Variants in CUEDC1 observed in about 807,000 individuals in gnomAD.
The protein encoded by CUEDC1 is CUE domain containing 1.
A neutral mutation model predicts 43.7 loss-of-function variants in CUEDC1; 30 were observed. The observed-to-expected ratio is 0.69, with a 90% confidence interval of 0.51 to 0.93. The LOEUF is 0.93. Ranked by LOEUF, CUEDC1 falls within the 40% of genes least tolerant of loss-of-function variation. The pLI is 0.00. For synonymous variants in CUEDC1, 223 were observed against 223.6 expected, an observed-to-expected ratio of 1.00 and a Z score of 0.02; for missense variants, 486 against 549.0, an observed-to-expected ratio of 0.89 and a Z score of 1.15.
chr17:57,950,284 G>C (rs1039026220), intron 1 of CUEDC1, among the ~76,000 whole-genome samples: 1 of 151,732 alleles, frequency 6.6e-6, no homozygotes, highest in Non-Finnish European at 1.5e-5. Context: ...CCAAGTAGCT[G>C]GGACTACAGG....
intron 10 of CUEDC1, among the ~76,000 whole-genome samples, chr17:57,865,525 G>A (rs552032908): frequency 2.0e-5 from 3 of 152,370 alleles, no homozygotes; most frequent in East Asian, 1.9e-4. Flanking sequence ...CAAACAAGTG[G>A]CTGGGGAAGG....
At chr17:57,879,945 G>C (rs1002638573) in intron 2 of CUEDC1, among the ~76,000 whole-genome samples, 2 of 152,104 alleles carry the variant, frequency 1.3e-5, no homozygotes, top group Non-Finnish European at 2.9e-5. Flanking sequence ...CTCCAGTTCT[G>C]GCAACTCCAC....
chr17:57,953,851 A>G (rs1366673705), intron 1 of CUEDC1, among the ~76,000 whole-genome samples: 1 of 152,184 alleles, frequency 6.6e-6, no homozygotes, highest in Non-Finnish European at 1.5e-5. Flanking sequence ...CCAGCTGCAG[A>G]AAGTGGACAG....
chr17:57,918,687 T>C (rs1025099079), intron 1 of CUEDC1, among the ~76,000 whole-genome samples: 14 of 152,252 alleles, frequency 9.2e-5, no homozygotes, highest in Non-Finnish European at 2.1e-4. Flanking sequence ...AGATCCAGCC[T>C]GGCCAATTAG....
Position 57,867,447 on chromosome 17 carries a change from G to T in CUEDC1, c.1035-32C>A, listed in dbSNP as rs1421571291. Reference sequence around the variant, plus strand: ...GGCCATTCAGGAAAACCGTCCCAGGGATGAGGGGACACTGCCCTAGTCCTC... The same window carrying T: ...GGCCATTCAGGAAAACCGTCCCAGGTATGAGGGGACACTGCCCTAGTCCTC... On this transcript the variant is annotated intron_variant, in intron 8 of 10. Transcript: ENST00000577830. 1.9e-6 allele frequency: 3 copies of T among 1,544,544 alleles called. No individual in the cohort carries two copies. The African/African-American group carries it at 4.1e-5, about 21-fold the overall frequency.
rs949571475 is a variant in CUEDC1, at chr17:57,883,677, C to T, written c.336+1552G>A. ...GGTGGAGGTTGCAGTGAACCAAGATCGCGCCATTGCACTCCAGCCTGGGCG... is the reference window on the plus strand; with the variant it reads ...GGTGGAGGTTGCAGTGAACCAAGATTGCGCCATTGCACTCCAGCCTGGGCG... On this transcript the variant is annotated intron_variant, in intron 2 of 10. Transcript: ENST00000577830. Among the ~76,000 whole-genome samples, 7 of 151,890 alleles carry T rather than the reference C, an allele frequency of 4.6e-5. 1 individual carries two copies. Among genetic ancestry groups the T allele is most frequent in the Non-Finnish European group, 1.0e-4 (7 of 67,994 alleles).
intron 1 of CUEDC1, chr17:57,915,009 C>T (rs967958640): frequency 1.3e-5 from 2 of 152,150 alleles, no homozygotes; most frequent in Admixed American, 6.5e-5. Flanking sequence ...CCTTGTTTTA[C>T]CAACAGGAAA....
intron 1 of CUEDC1, among the ~76,000 whole-genome samples, chr17:57,936,221 G>A (rs2074860404): frequency 1.3e-5 from 2 of 152,184 alleles, no homozygotes; most frequent in South Asian, 4.1e-4. Flanking sequence ...TGGCAGGACA[G>A]TGTGGACTCC....
intron 1 of CUEDC1, among the ~76,000 whole-genome samples, chr17:57,946,069 AAGACTC>A (rs1220778785): frequency 3.9e-5 from 6 of 152,284 alleles, no homozygotes; most frequent in Admixed American, 2.0e-4. Context: ...TCAGGAAACT[AAGACTC>A]AGAGAGATTG....
chr17:57,952,984 C>T (rs1485363373), intron 1 of CUEDC1, among the ~76,000 whole-genome samples: 1 of 152,122 alleles, frequency 6.6e-6, no homozygotes, highest in Non-Finnish European at 1.5e-5. Flanking sequence ...TGGGGCTGCA[C>T]TGGGGATAGT....
intron 1 of CUEDC1, among the ~76,000 whole-genome samples, chr17:57,889,629 G>T (rs1292286400): frequency 6.6e-6 from 1 of 152,248 alleles, no homozygotes; most frequent in African/African-American, 2.4e-5. Flanking sequence ...CACACAGCGA[G>T]TAAAGGCAAA....
intron 1 of CUEDC1, among the ~76,000 whole-genome samples, chr17:57,934,455 G>A (rs1428810482): frequency 1.3e-5 from 2 of 151,366 alleles, no homozygotes; most frequent in African/African-American, 4.9e-5. Context: ...TACTTGGGAG[G>A]CTGAGGCAGG....
intron 1 of CUEDC1, among the ~76,000 whole-genome samples, chr17:57,926,367 G>A (rs914200517): frequency 6.6e-6 from 1 of 152,172 alleles, no homozygotes; most frequent in Admixed American, 6.5e-5. Flanking sequence ...TGGCCTAGCA[G>A]TCAGACTAGC....
At chr17:57,910,499 C>T (rs563358904) in intron 1 of CUEDC1, among the ~76,000 whole-genome samples, 1 of 152,078 alleles carries the variant, frequency 6.6e-6, no homozygotes, top group East Asian at 1.9e-4. Flanking sequence ...CAGTGGTTCA[C>T]ACCTGTAATC....
intron 7 of CUEDC1, among the ~76,000 whole-genome samples, chr17:57,868,801 C>T (rs192293958): frequency 1.3e-3 from 200 of 152,326 alleles, no homozygotes; most frequent in African/African-American, 4.6e-3. Flanking sequence ...TAGCAAGGGC[C>T]TCTCTGTGCA....
At chr17:57,878,560 C>T (rs1331381325) in intron 3 of CUEDC1, among the ~76,000 whole-genome samples, 1 of 152,162 alleles carries the variant, frequency 6.6e-6, no homozygotes, top group Non-Finnish European at 1.5e-5. Context: ...GAGGTCACAC[C>T]CCAGCTCCAG....
intron 3 of CUEDC1, 22 bp downstream of exon 3, chr17:57,879,589 C>T (rs901818629): frequency 1.9e-6 from 3 of 1,575,548 alleles, no homozygotes; most frequent in Non-Finnish European, 2.6e-6. Flanking sequence ...ACCCTGTGCT[C>T]TGAGACATGA....
intron 1 of CUEDC1, among the ~76,000 whole-genome samples, chr17:57,944,008 C>G (rs1025844621): frequency 2.0e-5 from 3 of 151,998 alleles, no homozygotes; most frequent in Non-Finnish European, 2.9e-5. Context: ...GCCTCCTCAG[C>G]TAACTAGCAG....
chr17:57,900,781 T>C (rs927304232), intron 1 of CUEDC1, among the ~76,000 whole-genome samples: 1 of 152,190 alleles, frequency 6.6e-6, no homozygotes, highest in African/African-American at 2.4e-5. Flanking sequence ...AAAGCCTGGG[T>C]TTAATCCCTC....
Sources: allele counts gnomAD v4.1 joint callset (sites outside exome capture counted in the v4.1 genomes callset), GRCh38; gene constraint gnomAD v4.1.1; transcripts MANE v1.5; gene names NCBI Gene and HGNC (gene_info 2026-07-23, HGNC 2026-07-21).